The following TRPC7 variants were observed in gnomAD, a reference collection of about 807,000 sequenced individuals.
The protein encoded by TRPC7 is transient receptor potential cation channel subfamily C member 7, also known as short transient receptor potential channel 7.
In TRPC7, 42 loss-of-function variants were observed where a neutral mutation model predicts 90.1. The observed-to-expected ratio is 0.47, with a 90% confidence interval of 0.36 to 0.60. The LOEUF is 0.60. Among genes scored for constraint, TRPC7 ranks in the 20% least tolerant of loss-of-function variants. The pLI, the probability that TRPC7 is intolerant of heterozygous loss-of-function variation, is 0.00. For missense variants in TRPC7, 955 were observed against 1,112.3 expected (o/e 0.86, Z 2.01); for synonymous variants, 451 against 436.3 (o/e 1.03, Z -0.42).
intron 1 of TRPC7, among the ~76,000 whole-genome samples, chr5:136,362,967 C>T (rs1333193363): frequency 6.6e-6 from 1 of 152,140 alleles, no homozygotes; most frequent in Non-Finnish European, 1.5e-5. Flanking sequence ...AAGATCAGTA[C>T]ACTGGAGCTG....
chr5:136,356,883 T>G lies in TRPC7; in HGVS notation c.505A>C (p.Ile169Leu). 6.2e-7 allele frequency: 1 copy of G among 1,613,866 alleles called. No homozygotes were observed. The highest frequency in any genetic ancestry group is 8.5e-7 in the Non-Finnish European group (1 of 1,179,906). ...TRFSHDITPIILAAHCQEYEI... is the reference protein window; with the variant it reads ...TRFSHDITPILLAAHCQEYEI... ...TACTCCTGGCAGTGCGCCGCCAGGA[T>G]GATGGGCGTGATGTCGTGGGAGAAG... The change falls in exon 2 of 12, where the codon ATC becomes CTC. Residue 169 changes from isoleucine (I) to leucine (L), a missense_variant. This residue lies in a region of TRPC7 where 484 missense variants were observed against 509.6 expected (regional missense o/e 0.95). Coordinates refer to ENST00000513104, the MANE Select transcript of TRPC7 (RefSeq NM_020389.3).
chr5:136,325,908 T>C (rs1040036482), intron 2 of TRPC7, among the ~76,000 whole-genome samples: 6 of 152,170 alleles, frequency 3.9e-5, no homozygotes, highest in African/African-American at 1.4e-4. Flanking sequence ...CAAAGGCTAC[T>C]CTCCCTACAA....
At chr5:136,258,894 GGAGA>G (rs972109741) in intron 5 of TRPC7, among the ~76,000 whole-genome samples, 2 of 152,218 alleles carry the variant, frequency 1.3e-5, no homozygotes, top group African/African-American at 4.8e-5. Flanking sequence ...TGAACTCGCA[GGAGA>G]GAGAATATGC....
At chr5:136,365,121 T>C in intron 1 of TRPC7, 132 bp downstream of exon 1, 1 of 1,026,884 alleles carries the variant, frequency 9.7e-7, no homozygotes, top group Non-Finnish European at 1.4e-6. Context: ...AGATCTCAGA[T>C]CCATCTAAAA....
chr5:136,289,529 C>A (rs890586662), intron 3 of TRPC7, among the ~76,000 whole-genome samples: 1 of 152,260 alleles, frequency 6.6e-6, no homozygotes, highest in Non-Finnish European at 1.5e-5. Context: ...CCTATGCCCA[C>A]GGAGCCTTGC....
chr5:136,355,137 C>T (rs1760322042), intron 2 of TRPC7, among the ~76,000 whole-genome samples: 1 of 152,192 alleles, frequency 6.6e-6, no homozygotes, highest in African/African-American at 2.4e-5. Flanking sequence ...ACATGATAGT[C>T]TCTGGTTGAA....
intron 4 of TRPC7, among the ~76,000 whole-genome samples, chr5:136,267,035 C>A (rs1351960398): frequency 2.0e-5 from 3 of 152,124 alleles, no homozygotes; most frequent in African/African-American, 7.2e-5. Flanking sequence ...ACATAGAGGA[C>A]TTTTTTTCTC....
intron 2 of TRPC7, among the ~76,000 whole-genome samples, chr5:136,326,313 T>C (rs927737362): frequency 1.3e-5 from 2 of 152,208 alleles, no homozygotes; most frequent in Admixed American, 6.5e-5. Flanking sequence ...ACTAACAGTA[T>C]GAGTAGAGGA....
intron 10 of TRPC7, chr5:136,222,056 G>T (rs550576126): frequency 4.6e-5 from 7 of 152,078 alleles, no homozygotes; most frequent in South Asian, 2.1e-4. Flanking sequence ...TCATGGTTTT[G>T]TTCCATTGTT....
At chr5:136,316,738 C>G (rs1218420338) in intron 2 of TRPC7, among the ~76,000 whole-genome samples, 1 of 152,134 alleles carries the variant, frequency 6.6e-6, no homozygotes, top group Non-Finnish European at 1.5e-5. Flanking sequence ...TACCTCATAC[C>G]TCTCCTCCCC....
intron 4 of TRPC7, among the ~76,000 whole-genome samples, chr5:136,273,775 T>C (rs1464533701): frequency 6.6e-6 from 1 of 152,220 alleles, no homozygotes; most frequent in Non-Finnish European, 1.5e-5. Context: ...AATGTATCAC[T>C]AGGTAAATGC....
At chr5:136,357,439 A>G (rs1334941623) in intron 1 of TRPC7, 54 bp from the exon 2 acceptor site, 1 of 1,507,302 alleles carries the variant, frequency 6.6e-7, no homozygotes, top group Non-Finnish European at 8.8e-7. Context: ...CCCTAGCAGT[A>G]GAGCACACAA....
chr5:136,295,034 A>G (rs905066926), intron 3 of TRPC7, among the ~76,000 whole-genome samples: 1 of 152,182 alleles, frequency 6.6e-6, no homozygotes, highest in Admixed American at 6.5e-5. Flanking sequence ...AAACCATCAC[A>G]AGGACAAAAA....
At chr5:136,270,658 T>G (rs1757181098) in intron 4 of TRPC7, among the ~76,000 whole-genome samples, 1 of 152,188 alleles carries the variant, frequency 6.6e-6, no homozygotes, top group Non-Finnish European at 1.5e-5. Context: ...AGTTGCTGAT[T>G]TTCTAGTGTG....
At chr5:136,269,539 GTTTCCAGC>G (rs1488751498) in intron 4 of TRPC7, among the ~76,000 whole-genome samples, 1 of 152,218 alleles carries the variant, frequency 6.6e-6, no homozygotes, top group Non-Finnish European at 1.5e-5. Context: ...CTCAGAAAAG[GTTTCCAGC>G]ATCTTCCTAA....
intron 3 of TRPC7, among the ~76,000 whole-genome samples, chr5:136,276,185 A>G (rs1467282012): frequency 2.0e-5 from 3 of 152,178 alleles, no homozygotes; most frequent in African/African-American, 7.2e-5. Context: ...GAAAAAAAAT[A>G]TACTCGTTAG....
At chr5:136,257,416 C>T (rs931538041) in intron 5 of TRPC7, among the ~76,000 whole-genome samples, 2 of 152,026 alleles carry the variant, frequency 1.3e-5, no homozygotes, top group Non-Finnish European at 2.9e-5. Context: ...CTCCTGACCT[C>T]GTGATCCTCC....
chr5:136,223,810 T>C (rs1755539584), intron 10 of TRPC7, among the ~76,000 whole-genome samples: 1 of 152,152 alleles, frequency 6.6e-6, no homozygotes, highest in East Asian at 1.9e-4. Context: ...ACACAGATAA[T>C]CTATACTTCT....
intron 6 of TRPC7, among the ~76,000 whole-genome samples, chr5:136,249,523 A>C (rs1756453487): frequency 6.6e-6 from 1 of 152,336 alleles, no homozygotes; most frequent in East Asian, 1.9e-4. Context: ...GTTAAACAGA[A>C]GGCAAAAAGG....
Sources: gnomAD v4.1 joint callset for allele counts (sites outside exome capture counted in the v4.1 genomes callset) on GRCh38, gnomAD v4.1.1 for gene constraint, gnomAD v4.1.1 regional missense constraint, MANE v1.5 for transcripts, NCBI Gene and HGNC (gene_info 2026-07-23, HGNC 2026-07-21) for gene names.